TTC23L: variants seen among roughly 807,000 people sequenced by gnomAD.
The protein encoded by TTC23L is tetratricopeptide repeat domain 23 like, also known as tetratricopeptide repeat protein 23-like.
Under a neutral mutation model 48.1 loss-of-function variants are expected in TTC23L, and 42 were observed. The ratio of observed to expected loss-of-function variants is 0.87; its 90% CI spans 0.68 to 1.13. The LOEUF is 1.13. TTC23L is among the 50% of genes most tolerant of loss of function. The pLI, the probability that TTC23L is intolerant of heterozygous loss-of-function variation, is 0.00. For synonymous variants in TTC23L, 159 were observed against 157.2 expected (o/e 1.01, Z -0.09); for missense variants, 391 against 421.0 (o/e 0.93, Z 0.62).
At chr5:34,858,008 G>A (rs1043734313) in intron 4 of TTC23L, among the ~76,000 whole-genome samples, 8 of 152,218 alleles carry the variant, frequency 5.3e-5, no homozygotes, top group African/African-American at 1.9e-4. Context: ...CTGAGTCAGT[G>A]TAGCAGAATC....
Position 34,863,025 on chromosome 5 carries a change from T to C in TTC23L, c.507T>C (p.Thr169=). The C allele has an allele frequency of 1.2e-6, 2 of 1,613,904 alleles. No homozygotes were observed. The highest frequency in any genetic ancestry group is 2.2e-5 in the South Asian group (2 of 91,056). The stretch of plus-strand genomic sequence containing the variant: ...AAGCTCTGGTCAAGCTGTACTACAC[T>C]CTGGGCGTGGCCTGGCTCCTGCAGA... The change falls in exon 5 of 11, where the codon ACT becomes ACC. Residue 169 remains threonine (T), a synonymous_variant. Transcript: ENST00000505624. The surrounding 1 kb of genome is among the most constrained non-coding windows in gnomAD (Gnocchi z 4.1).
chr5:34,870,763 G>A (rs986295960), intron 8 of TTC23L, among the ~76,000 whole-genome samples: 6 of 152,066 alleles, frequency 3.9e-5, no homozygotes, highest in African/African-American at 1.4e-4. Context: ...GTTTAGGGTG[G>A]TATGGTCACA....
Position 34,863,833 on chromosome 5 carries a change from G to T in TTC23L, c.537-604G>T, listed in dbSNP as rs542624440. Among the ~76,000 whole-genome samples, 204 of 152,264 alleles carry T rather than the reference G, an allele frequency of 1.3e-3. No homozygotes were observed. The highest frequency in any genetic ancestry group is 2.6e-3 in the Non-Finnish European group (179 of 68,024). ...TCATGAGCACTCTTTGAGCCTATGT[G>T]TCCCCAGTCTCCTCTCTACACATCC... On this transcript the variant is annotated intron_variant, in intron 5 of 10. Transcript: ENST00000505624. The surrounding 1 kb of genome is among the most constrained non-coding windows in gnomAD (Gnocchi z 4.1).
At chr5:34,851,141 T>C (rs1407466754) in intron 4 of TTC23L, among the ~76,000 whole-genome samples, 1 of 152,180 alleles carries the variant, frequency 6.6e-6, no homozygotes, top group Non-Finnish European at 1.5e-5. Flanking sequence ...GTACACAATA[T>C]GGTTTGGCAT....
At chr5:34,898,234 C>G (rs771407703) in intron 10 of TTC23L, among the ~76,000 whole-genome samples, 3 of 152,052 alleles carry the variant, frequency 2.0e-5, no homozygotes, top group Non-Finnish European at 4.4e-5. Flanking sequence ...CACTGTTGCA[C>G]GAAGCAAACG....
chr5:34,852,644 A>G (rs1177723090), intron 4 of TTC23L, among the ~76,000 whole-genome samples: 1 of 152,136 alleles, frequency 6.6e-6, no homozygotes, highest in Non-Finnish European at 1.5e-5. Flanking sequence ...CCCATTCAGT[A>G]TGGAGTGGGA....
chr5:34,870,559 A>C (rs2150415655), intron 8 of TTC23L, among the ~76,000 whole-genome samples: 1 of 152,282 alleles, frequency 6.6e-6, no homozygotes, highest in East Asian at 1.9e-4. Context: ...ATTCTACATA[A>C]TCTGTCTCAG....
At chr5:34,880,782 G>GCATGCGCCAC (rs1282121808) in intron 9 of TTC23L, 2 of 277,886 alleles carry the variant, frequency 7.2e-6, no homozygotes, top group African/African-American at 4.7e-5. Flanking sequence ...GGGATTACAG[G>GCATGCGCCAC]CATGCGCCAC....
At chr5:34,864,611 A>G in intron 6 of TTC23L, 49 bp downstream of exon 6, 1 of 1,579,838 alleles carries the variant, frequency 6.3e-7, no homozygotes, top group South Asian at 1.2e-5. Context: ...TGAGGCTTGG[A>G]ATTACATGAT....
At chr5:34,864,307 GA>G in intron 5 of TTC23L, 129 bp from the exon 6 acceptor site, 1 of 1,132,536 alleles carries the variant, frequency 8.8e-7, no homozygotes, top group East Asian at 2.4e-5. Flanking sequence ...GGAAAATAAA[GA>G]ACATAGTTAA....
At chr5:34,909,836 A>C in the TTC23L span, among the ~76,000 whole-genome samples, 1,211 of 152,286 alleles carry the variant, frequency 8.0e-3, 11 homozygotes, top group African/African-American at 0.025. Context: ...ACAATTTATA[A>C]GTGTTAACAT....
intron 2 of TTC23L, among the ~76,000 whole-genome samples, chr5:34,841,160 C>T (rs1424621911): frequency 1.3e-5 from 2 of 151,934 alleles, no homozygotes; most frequent in Non-Finnish European, 2.9e-5. Flanking sequence ...TGCTTTTTCC[C>T]GACTTAAGGA....
the TTC23L span, among the ~76,000 whole-genome samples, chr5:34,912,554 C>T: frequency 1.2e-4 from 18 of 152,180 alleles, no homozygotes; most frequent in South Asian, 3.1e-3. Context: ...TTCTGGAGAA[C>T]TATATTGAAT....
intron 4 of TTC23L, among the ~76,000 whole-genome samples, chr5:34,859,550 G>C (rs1472674913): frequency 2.8e-5 from 4 of 143,116 alleles, no homozygotes; most frequent in Non-Finnish European, 4.7e-5. Context: ...CCTCCCTCAT[G>C]AATGGGATTA....
chr5:34,863,705 G>A lies in TTC23L; in HGVS notation c.536+651G>A, dbSNP rs187757711. Among the ~76,000 whole-genome samples the A allele has an allele frequency of 6.8e-3, 1,038 of 152,316 alleles. 10 individuals are homozygous for A. Among genetic ancestry groups the A allele is most frequent in the African/African-American group, 0.024 (987 of 41,568 alleles). On this transcript the variant is annotated intron_variant, in intron 5 of 10. Coordinates refer to ENST00000505624, the Ensembl canonical transcript of TTC23L. This position sits in a 1 kb window ranked among gnomAD's most constrained non-coding sequence, Gnocchi z 4.1. ...ACAAGTAGTTCTATAAATCCCCAGA[G>A]GGGTACTGTTATATGTGCCTTTCCT...
At chr5:34,893,730 G>C (rs368862576) in intron 9 of TTC23L, among the ~76,000 whole-genome samples, 5 of 152,082 alleles carry the variant, frequency 3.3e-5, no homozygotes, top group African/African-American at 9.7e-5. Flanking sequence ...GTATTATTTA[G>C]GGATCACGCA....
chr5:34,916,714 T>C, the TTC23L span: 1 of 152,210 alleles, frequency 6.6e-6, no homozygotes, highest in African/African-American at 2.4e-5. Context: ...AGCATAGTAC[T>C]CTAGCGCGGA....
chr5:34,889,832 T>TTTTTTTG (rs1271240702), intron 9 of TTC23L, among the ~76,000 whole-genome samples: 1 of 151,996 alleles, frequency 6.6e-6, no homozygotes, highest in Non-Finnish European at 1.5e-5. Context: ...GGTGGGGTTT[T>TTTTTTTG]TTTTTGTTTT....
chr5:34,921,205 T>G, the TTC23L span: 1 of 152,242 alleles, frequency 6.6e-6, no homozygotes, highest in Non-Finnish European at 1.5e-5. Context: ...AATTAGAGTT[T>G]ATGAATACTA....
Sources: allele counts gnomAD v4.1 joint callset (sites outside exome capture counted in the v4.1 genomes callset), GRCh38; gene constraint gnomAD v4.1.1; non-coding constraint Gnocchi (gnomAD v3.1); transcripts MANE v1.5; gene names NCBI Gene and HGNC (gene_info 2026-07-23, HGNC 2026-07-21).